The following ABR variants were observed in gnomAD, a reference collection of about 807,000 sequenced individuals.
The protein encoded by ABR is active breakpoint cluster region-related protein.
In ABR, 35 loss-of-function variants were observed where a neutral mutation model predicts 107.2. The ratio of observed to expected loss-of-function variants is 0.33; its 90% confidence interval spans 0.25 to 0.43. ABR has a LOEUF of 0.43. ABR is among the 20% of genes least tolerant of loss of function. The pLI is 1.00. For synonymous variants in ABR, 498 were observed against 462.0 expected, an observed-to-expected ratio of 1.08 and a Z score of -1.00; for missense variants, 815 against 1,115.2, an observed-to-expected ratio of 0.73 and a Z score of 3.83.
intron 1 of ABR, among the ~76,000 whole-genome samples, chr17:1,152,466 C>T (rs1349100011): frequency 1.3e-5 from 2 of 151,550 alleles, no homozygotes; most frequent in East Asian, 3.9e-4. Context: ...TGGTGCGTGC[C>T]TGTAATCTCA....
intron 1 of ABR, among the ~76,000 whole-genome samples, chr17:1,204,069 T>C (rs867807754): frequency 1.3e-5 from 2 of 152,254 alleles, no homozygotes; most frequent in Middle Eastern, 3.4e-3. Context: ...CTCTCCCTCA[T>C]CTCGGCCTGG....
At chr17:1,042,133 C>T (rs951663816) in intron 16 of ABR, among the ~76,000 whole-genome samples, 3 of 152,098 alleles carry the variant, frequency 2.0e-5, no homozygotes, top group African/African-American at 7.2e-5. Flanking sequence ...AAGGCAAGAG[C>T]GTTTTGGGTG....
chr17:1,078,104 G>GGT lies in ABR; in HGVS notation c.700+1224_700+1225dup, dbSNP rs34146750. On this transcript the variant is annotated intron_variant, in intron 6 of 22. Coordinates refer to ENST00000302538, the MANE Select transcript of ABR (RefSeq NM_021962.5). The surrounding 1 kb of genome is among the most constrained non-coding windows in gnomAD (Gnocchi z 7.5). ...GTCCGGGTCCCTTCCACCGAAAGGT[G>GGT]GTGTGTGTGTGTGTGTGTGTGTGTG... Among the ~76,000 whole-genome samples, 6,975 of 148,422 alleles carry GGT rather than the reference G, an allele frequency of 0.047. 204 individuals carry two copies. Among genetic ancestry groups the GGT allele is most frequent in the African/African-American group, 0.084 (3,429 of 40,648 alleles).
At chr17:1,102,168 G>A (rs951883808) in intron 2 of ABR, among the ~76,000 whole-genome samples, 4 of 152,062 alleles carry the variant, frequency 2.6e-5, no homozygotes, top group South Asian at 2.1e-4. Flanking sequence ...CCAGGACATC[G>A]CTCAGTCTCC....
chr17:1,037,030 TCCATCCAC>T lies in ABR; in HGVS notation c.1791+13012_1791+13019del, dbSNP rs1567625623. ...TTCCTTCCATCCTTCCTTCCTTCCA[TCCATCCAC>T]CCATCCATCCATCCATCCACCCATC... On this transcript the variant is annotated intron_variant, in intron 16 of 22. Transcript: ENST00000302538. The surrounding 1 kb of genome is among the most constrained non-coding windows in gnomAD (Gnocchi z 4.6). Among the ~76,000 whole-genome samples the T allele has an allele frequency of 7.4e-6, 1 of 134,856 alleles. No individual in the cohort carries two copies. Among genetic ancestry groups the T allele is most frequent in the African/African-American group, 2.8e-5 (1 of 35,124 alleles). The allele number at this position is 134,856 out of a possible 152,430, so 88.5% of individuals were successfully genotyped here. A position where few individuals can be genotyped will look rare whatever the true frequency, so the allele number is the denominator to read the frequency against.
intron 2 of ABR, among the ~76,000 whole-genome samples, chr17:1,106,687 G>A (rs558485543): frequency 2.6e-5 from 4 of 152,034 alleles, no homozygotes; most frequent in East Asian, 1.9e-4. Context: ...CCACCACTAC[G>A]CCCGGCTAAT....
At chr17:1,020,589 C>T (rs766398587) in intron 16 of ABR, among the ~76,000 whole-genome samples, 56 of 152,162 alleles carry the variant, frequency 3.7e-4, no homozygotes, top group Non-Finnish European at 6.8e-4. Context: ...CGAAGGTGAG[C>T]GTGGATTCTC....
At chr17:1,013,284 G>A in intron 16 of ABR, 120 bp from the exon 17 acceptor site, 4 of 985,422 alleles carry the variant, frequency 4.1e-6, no homozygotes, top group East Asian at 2.4e-5. Context: ...GTGAGCAGCT[G>A]GGATAAGCTG....
At chr17:1,080,648 G>A (rs2036158350) in intron 5 of ABR, among the ~76,000 whole-genome samples, 1 of 151,868 alleles carries the variant, frequency 6.6e-6, no homozygotes, top group Non-Finnish European at 1.5e-5. Context: ...CCACCTGCTT[G>A]GTCTGCAGGG....
chr17:1,212,469 G>C (rs952941264), intron 1 of ABR, among the ~76,000 whole-genome samples: 14 of 151,992 alleles, frequency 9.2e-5, no homozygotes, highest in African/African-American at 3.4e-4. Context: ...AAAACAAAAA[G>C]AGACGCCAGG....
At chr17:1,029,338 C>T (rs1279787806) in intron 16 of ABR, among the ~76,000 whole-genome samples, 2 of 152,092 alleles carry the variant, frequency 1.3e-5, no homozygotes, top group African/African-American at 2.4e-5. Flanking sequence ...AAGGATCCTC[C>T]GTGAGTGTCC....
chr17:1,199,357 G>C (rs997910165), intron 1 of ABR, among the ~76,000 whole-genome samples: 2 of 150,990 alleles, frequency 1.3e-5, no homozygotes, highest in Non-Finnish European at 2.9e-5. Context: ...AGACCACCAA[G>C]AGGCCACACG....
chr17:1,173,591 A>G (rs1376044479), intron 1 of ABR, among the ~76,000 whole-genome samples: 3 of 152,052 alleles, frequency 2.0e-5, no homozygotes, highest in Non-Finnish European at 4.4e-5. Context: ...GAGCGAGTAC[A>G]ATGACCAAAT....
At position 1,087,044 on chromosome 17, in the gene ABR, A is replaced by G. The variant is rs545301880; in HGVS notation, c.532-3417T>C. ...CCAAATTCATGCCAGTAGCTGCTTCAAGAGGGAGGAGGGAGGGGAGACTCC... is the reference window on the plus strand; with the variant it reads ...CCAAATTCATGCCAGTAGCTGCTTCGAGAGGGAGGAGGGAGGGGAGACTCC... On this transcript the variant is annotated intron_variant, in intron 4 of 22. Transcript: ENST00000302538. Among the ~76,000 whole-genome samples, 8 of 152,252 alleles carry G rather than the reference A, an allele frequency of 5.3e-5. No homozygotes were observed. In the East Asian group the frequency reaches 1.5e-3, roughly 29 times the overall value.
At chr17:1,086,345 G>A (rs989526138) in intron 4 of ABR, among the ~76,000 whole-genome samples, 1 of 152,042 alleles carries the variant, frequency 6.6e-6, no homozygotes, top group East Asian at 1.9e-4. Flanking sequence ...GGGAAGCCGC[G>A]CACACAGCCA....
Position 1,010,610 on chromosome 17 carries a change from A to T in ABR, c.2236+119T>A, listed in dbSNP as rs780135021. On this transcript the variant is annotated intron_variant, in intron 20 of 22. Coordinates refer to ENST00000302538, the MANE Select transcript of ABR (RefSeq NM_021962.5). This position sits in a 1 kb window ranked among gnomAD's most constrained non-coding sequence, Gnocchi z 4.1. ...ACCCCTCAGCCACAGGCCCCAGTGC[A>T]CTGGGAAGGTCAGCCAGCAAAGGAA... 2 of 1,408,736 alleles carry T rather than the reference A, an allele frequency of 1.4e-6. No individual in the cohort carries two copies. The highest frequency in any genetic ancestry group is 9.7e-7 in the Non-Finnish European group (1 of 1,036,028). 87.3% of individuals were successfully genotyped at this position (1,408,736 alleles called of 1,614,324 possible). A position where few individuals can be genotyped will look rare whatever the true frequency, so the allele number is the denominator to read the frequency against.
At chr17:1,046,156 C>T (rs916222749) in intron 16 of ABR, among the ~76,000 whole-genome samples, 33 of 152,156 alleles carry the variant, frequency 2.2e-4, no homozygotes, top group Admixed American at 1.5e-3. Context: ...CAGGCACGCA[C>T]GACCACCCCT....
At chr17:1,087,687 G>A (rs1480554222) in intron 4 of ABR, among the ~76,000 whole-genome samples, 5 of 152,122 alleles carry the variant, frequency 3.3e-5, no homozygotes, top group South Asian at 2.1e-4. Context: ...CTAGACAGTC[G>A]CTGCCTAAGC....
Position 1,210,935 on chromosome 17 carries a change from A to C in ABR, c.838+17858T>G, listed in dbSNP as rs2042889247. 6.6e-6 allele frequency among the ~76,000 whole-genome samples: 1 copy of C among 152,120 alleles called. No individual in the cohort carries two copies. Among genetic ancestry groups the C allele is most frequent in the Non-Finnish European group, 1.5e-5 (1 of 68,036 alleles). On this transcript the variant is annotated intron_variant, in intron 1 of 22. Coordinates refer to the ABR transcript ENST00000574139. The surrounding 1 kb of genome is among the most constrained non-coding windows in gnomAD (Gnocchi z 5.6). ...ATCAAGCACTTGGCAAAGCCTGCCA[A>C]ACTCTGGGGTGCTGGACTGGCTGCT...
Sources: gnomAD v4.1 joint callset for allele counts (sites outside exome capture counted in the v4.1 genomes callset) on GRCh38, gnomAD v4.1.1 for gene constraint, Gnocchi (gnomAD v3.1) non-coding constraint, MANE v1.5 for transcripts, NCBI Gene and HGNC (gene_info 2026-07-23, HGNC 2026-07-21) for gene names.